The following TMEM131 variants were observed in gnomAD, a reference collection of about 807,000 sequenced individuals.
TMEM131 encodes transmembrane protein 131.
A neutral mutation model predicts 211.6 loss-of-function variants in TMEM131; 66 were observed. The ratio of observed to expected loss-of-function variants is 0.31; its 90% confidence interval spans 0.26 to 0.38. The LOEUF (loss-of-function observed/expected upper bound fraction) is 0.38. TMEM131 is among the 10% of genes least tolerant of loss of function. The pLI, the probability that TMEM131 is intolerant of heterozygous loss-of-function variation, is 1.00. For synonymous variants in TMEM131, 844 were observed against 841.3 expected, an observed-to-expected ratio of 1.00 and a Z score of -0.06; for missense variants, 2,036 against 2,299.3, an observed-to-expected ratio of 0.89 and a Z score of 2.34.
At chr2:97,901,696 G>T (rs1675859344) in intron 3 of TMEM131, among the ~76,000 whole-genome samples, 1 of 152,140 alleles carries the variant, frequency 6.6e-6, no homozygotes, top group South Asian at 2.1e-4. Context: ...AGCAAATATT[G>T]CATGTTCTGA....
intron 31 of TMEM131, among the ~76,000 whole-genome samples, chr2:97,781,873 C>G (rs1680022227): frequency 6.6e-6 from 1 of 152,150 alleles, no homozygotes; most frequent in Admixed American, 6.5e-5. Flanking sequence ...GCCAAAGGTG[C>G]AGGAAAGGGG....
At chr2:97,871,714 C>T (rs1674495814) in intron 4 of TMEM131, among the ~76,000 whole-genome samples, 1 of 152,178 alleles carries the variant, frequency 6.6e-6, no homozygotes, top group Admixed American at 6.5e-5. Flanking sequence ...GCCCACAAAA[C>T]TATCCTTGTA....
At chr2:97,899,033 T>C (rs1254082963) in intron 3 of TMEM131, among the ~76,000 whole-genome samples, 1 of 152,180 alleles carries the variant, frequency 6.6e-6, no homozygotes, top group East Asian at 1.9e-4. Flanking sequence ...AGATGAATGT[T>C]GAAATCTTCC....
chr2:97,793,795 CCAT>C (rs1680617328), intron 29 of TMEM131, among the ~76,000 whole-genome samples: 1 of 151,740 alleles, frequency 6.6e-6, no homozygotes, highest in African/African-American at 2.4e-5. Context: ...GAGATCGACA[CCAT>C]CCTGGCTAAC....
In TMEM131 at chr2:97,797,506, A is replaced by C; in HGVS notation, c.2729T>G (p.Leu910Arg). Residue 910 changes from leucine (L) to arginine (R), a missense_variant, in exon 26 of 41, where the codon CTG becomes CGG. By Grantham distance (102) the Leu-to-Arg change is moderately radical. This residue lies in a region of TMEM131 where 1,623 missense variants were observed against 1,805.9 expected (regional missense o/e 0.90). Transcript: ENST00000186436. ...CTCCATAAATCCTGTTGAACTCTGCAGTGGATGAGCCTTGAATCATTGGGT... is the reference window on the plus strand; with the variant it reads ...CTCCATAAATCCTGTTGAACTCTGCCGTGGATGAGCCTTGAATCATTGGGT... Reference protein sequence around the residue: ...FQVFRNSAHPLQSSTGFMEGL... With the variant: ...FQVFRNSAHPRQSSTGFMEGL... 1 of 1,611,608 alleles carries C rather than the reference A, an allele frequency of 6.2e-7. No individual in the cohort carries two copies. The highest frequency in any genetic ancestry group is 8.5e-7 in the Non-Finnish European group (1 of 1,178,910).
At position 97,809,653 on chromosome 2, in the gene TMEM131, G is replaced by A. The variant is rs768428678; in HGVS notation, c.2055+35C>T. ...AGAGCTAAAGGCAAAGGCAAAAAAC[G>A]AGCAATAGAAAAATGTGTGTATTAA... On this transcript the variant is annotated intron_variant, in intron 19 of 40. Coordinates refer to ENST00000186436, the MANE Select transcript of TMEM131 (RefSeq NM_015348.2). 2.5e-5 allele frequency: 38 copies of A among 1,513,840 alleles called. No homozygotes were observed. In the South Asian group the frequency reaches 3.7e-4, roughly 15 times the overall value. The allele number at this position is 1,513,840 out of a possible 1,614,324, so 93.8% of individuals were successfully genotyped here.
chr2:97,816,258 T>G (rs1681822931), intron 12 of TMEM131, among the ~76,000 whole-genome samples: 1 of 152,050 alleles, frequency 6.6e-6, no homozygotes, highest in Admixed American at 6.6e-5. Flanking sequence ...GGAGAATCGC[T>G]TGAGCCTGGG....
At chr2:97,838,734 C>T (rs1006897321) in intron 7 of TMEM131, among the ~76,000 whole-genome samples, 14 of 152,074 alleles carry the variant, frequency 9.2e-5, no homozygotes, top group African/African-American at 2.7e-4. Flanking sequence ...TGAGCCACTG[C>T]GCCTGGACCC....
intron 38 of TMEM131, chr2:97,760,250 C>T (rs989835976): frequency 3.3e-6 from 1 of 305,960 alleles, no homozygotes; most frequent in African/African-American, 2.1e-5. Flanking sequence ...AGATTTCCCC[C>T]CTCCCAAGTC....
intron 12 of TMEM131, among the ~76,000 whole-genome samples, chr2:97,816,244 G>A (rs543078696): frequency 2.0e-5 from 3 of 152,298 alleles, no homozygotes; most frequent in African/African-American, 7.2e-5. Context: ...GGCAGGCTGA[G>A]GCAGGAGAAT....
At chr2:97,963,202 G>T (rs985041466) in intron 1 of TMEM131, among the ~76,000 whole-genome samples, 2 of 152,154 alleles carry the variant, frequency 1.3e-5, no homozygotes, top group African/African-American at 4.8e-5. Context: ...GAAAGAAAAA[G>T]AAAGCTGGCA....
At chr2:97,777,769 C>T (rs543135461) in intron 31 of TMEM131, among the ~76,000 whole-genome samples, 6 of 152,232 alleles carry the variant, frequency 3.9e-5, no homozygotes, top group South Asian at 2.1e-4. Flanking sequence ...TAATTATAAT[C>T]GTGCCACTGT....
At chr2:97,963,926 T>A (rs1268394579) in intron 1 of TMEM131, among the ~76,000 whole-genome samples, 1 of 152,232 alleles carries the variant, frequency 6.6e-6, no homozygotes, top group Non-Finnish European at 1.5e-5. Context: ...ACAGAATGAA[T>A]TAATATTTGG....
At chr2:97,828,469 A>G (rs1682504147) in intron 11 of TMEM131, among the ~76,000 whole-genome samples, 2 of 152,194 alleles carry the variant, frequency 1.3e-5, no homozygotes, top group South Asian at 4.1e-4. Flanking sequence ...ACCCCTACTT[A>G]TAGGGTTAGA....
At chr2:97,831,940 T>C (rs1435665994) in intron 11 of TMEM131, among the ~76,000 whole-genome samples, 2 of 138,204 alleles carry the variant, frequency 1.4e-5, no homozygotes, top group East Asian at 4.2e-4. Context: ...GTGCTGGGAT[T>C]ACAGGCGTGA....
intron 1 of TMEM131, among the ~76,000 whole-genome samples, chr2:97,981,790 T>C (rs1323607191): frequency 6.6e-6 from 1 of 152,218 alleles, no homozygotes; most frequent in African/African-American, 2.4e-5. Flanking sequence ...TTCATATAAA[T>C]GGCTTCTATG....
At chr2:97,818,119 A>G (rs1332342824) in intron 12 of TMEM131, among the ~76,000 whole-genome samples, 1 of 152,348 alleles carries the variant, frequency 6.6e-6, no homozygotes, top group East Asian at 1.9e-4. Flanking sequence ...CACATTAGAA[A>G]TAATAGCTAA....
intron 11 of TMEM131, among the ~76,000 whole-genome samples, chr2:97,824,646 A>C (rs1682288831): frequency 6.6e-6 from 1 of 152,182 alleles, no homozygotes; most frequent in Non-Finnish European, 1.5e-5. Flanking sequence ...TTGAGGAGGG[A>C]ATCAACCCTG....
intron 2 of TMEM131, among the ~76,000 whole-genome samples, chr2:97,916,910 TA>T (rs1177808634): frequency 6.6e-6 from 1 of 152,232 alleles, no homozygotes; most frequent in African/African-American, 2.4e-5. Context: ...CAACACCCAA[TA>T]AATATGACTT....
Sources: gnomAD v4.1 joint callset for allele counts (sites outside exome capture counted in the v4.1 genomes callset) on GRCh38, gnomAD v4.1.1 for gene constraint, gnomAD v4.1.1 regional missense constraint, MANE v1.5 for transcripts, NCBI Gene and HGNC (gene_info 2026-07-23, HGNC 2026-07-21) for gene names.